SIL1: variants seen among roughly 807,000 people sequenced by gnomAD.
SIL1 encodes the protein SIL1 nucleotide exchange factor.
SIL1 carries 40 observed loss-of-function variants against 49.1 expected under a neutral mutation model. The ratio of observed to expected loss-of-function variants is 0.81; its 90% confidence interval spans 0.63 to 1.06. The LOEUF (loss-of-function observed/expected upper bound fraction) is 1.06. SIL1 is among the 50% of genes least tolerant of loss of function. The pLI is 0.00. For missense variants in SIL1, 500 were observed against 572.6 expected, an observed-to-expected ratio of 0.87 and a Z score of 1.29; for synonymous variants, 253 against 250.8, an observed-to-expected ratio of 1.01 and a Z score of -0.08.
chr5:139,023,110 A>G (rs746901278), intron 6 of SIL1, among the ~76,000 whole-genome samples: 7 of 152,248 alleles, frequency 4.6e-5, no homozygotes, highest in Non-Finnish European at 8.8e-5. Context: ...TCAGCATGAT[A>G]GAAATGCAGA....
At chr5:139,122,946 A>G (rs561163127) in intron 2 of SIL1, among the ~76,000 whole-genome samples, 1 of 152,344 alleles carries the variant, frequency 6.6e-6, no homozygotes, top group East Asian at 1.9e-4. Context: ...GTCTCGGGAA[A>G]GTTATTTAAC....
intron 7 of SIL1, among the ~76,000 whole-genome samples, chr5:139,014,793 C>T (rs1351993332): frequency 2.0e-5 from 3 of 152,200 alleles, no homozygotes; most frequent in African/African-American, 7.2e-5. Context: ...TTATCAGATG[C>T]AAAAGGCTTG....
At chr5:139,190,735 C>G (rs1752152536) in intron 1 of SIL1, among the ~76,000 whole-genome samples, 1 of 152,192 alleles carries the variant, frequency 6.6e-6, no homozygotes, top group South Asian at 2.1e-4. Context: ...AGAAGTGTAT[C>G]TCCTGACTCT....
intron 1 of SIL1, among the ~76,000 whole-genome samples, chr5:139,145,421 T>G (rs1751172261): frequency 6.6e-6 from 1 of 152,226 alleles, no homozygotes; most frequent in Admixed American, 6.5e-5. Flanking sequence ...TTGGTGGTTC[T>G]TCAAAAAGCT....
At chr5:139,004,972 C>A (rs940146004) in intron 7 of SIL1, among the ~76,000 whole-genome samples, 6 of 152,062 alleles carry the variant, frequency 3.9e-5, no homozygotes, top group African/African-American at 1.4e-4. Flanking sequence ...GATGTCGGGC[C>A]AGGTTGCTGG....
intron 1 of SIL1, among the ~76,000 whole-genome samples, chr5:139,163,028 G>T (rs1751545000): frequency 6.6e-6 from 1 of 151,882 alleles, no homozygotes; most frequent in African/African-American, 2.4e-5. Context: ...TGGAGCAAAG[G>T]CCCTCTGTTT....
In SIL1 at chr5:138,948,245, TG is replaced by T; in HGVS notation, c.1030-773del. Among the ~76,000 whole-genome samples, 1 of 152,252 alleles carries T rather than the reference TG, an allele frequency of 6.6e-6. No individual in the cohort carries two copies. The highest frequency in any genetic ancestry group is 1.5e-5 in the Non-Finnish European group (1 of 67,998). ...GGCAGCAGGAAGTCGTGGGGCTGAT[TG>T]GGGCTGGCAGAGGAAACTGAGGAGG... On this transcript the variant is annotated intron_variant, in intron 9 of 9. Coordinates refer to ENST00000394817, the MANE Select transcript of SIL1 (RefSeq NM_022464.5). The surrounding 1 kb of genome is among the most constrained non-coding windows in gnomAD (Gnocchi z 4.8).
At chr5:139,102,372 C>T (rs529126344) in intron 3 of SIL1, among the ~76,000 whole-genome samples, 1 of 151,994 alleles carries the variant, frequency 6.6e-6, no homozygotes, top group South Asian at 2.1e-4. Context: ...GTTAATTTTA[C>T]ATCTGCACAG....
At position 138,948,877 on chromosome 5, in the gene SIL1, T is replaced by C. The variant is rs1766696634; in HGVS notation, c.1030-1404A>G. 6.6e-6 allele frequency among the ~76,000 whole-genome samples: 1 copy of C among 152,166 alleles called. No individual in the cohort carries two copies. Among genetic ancestry groups the C allele is most frequent in the African/African-American group, 2.4e-5 (1 of 41,440 alleles). ...GAGCAAGCCCGGCCCAGCATGCTTT[T>C]TTCCGCAAGTGCTCTTGCCCTCTCA... On this transcript the variant is annotated intron_variant, in intron 9 of 9. Transcript: ENST00000394817. This position sits in a 1 kb window ranked among gnomAD's most constrained non-coding sequence, Gnocchi z 4.8.
At chr5:139,143,338 C>CATATATATATATATAT (rs1251442889) in intron 1 of SIL1, among the ~76,000 whole-genome samples, 32 of 84,206 alleles carry the variant, frequency 3.8e-4, no homozygotes, top group African/African-American at 1.4e-3. Flanking sequence ...CACACACACA[C>CATATATATATATATAT]ACACACATAT....
chr5:139,099,481 T>C (rs1261299871), intron 3 of SIL1, among the ~76,000 whole-genome samples: 1 of 152,190 alleles, frequency 6.6e-6, no homozygotes, highest in African/African-American at 2.4e-5. Context: ...GTACTCCATG[T>C]TTGTAGCAGC....
intron 3 of SIL1, among the ~76,000 whole-genome samples, chr5:139,110,990 T>G (rs1770827035): frequency 6.6e-6 from 1 of 152,220 alleles, no homozygotes; most frequent in Non-Finnish European, 1.5e-5. Context: ...ATGTATGCAC[T>G]GCCCAGGGCT....
chr5:139,074,453 T>C (rs1378844929), intron 3 of SIL1, among the ~76,000 whole-genome samples: 1 of 152,232 alleles, frequency 6.6e-6, no homozygotes, highest in Non-Finnish European at 1.5e-5. Flanking sequence ...AAATATAAAC[T>C]ATATATTCAC....
intron 4 of SIL1, among the ~76,000 whole-genome samples, chr5:139,046,999 C>A (rs1424554071): frequency 1.3e-5 from 2 of 152,148 alleles, no homozygotes; most frequent in Non-Finnish European, 2.9e-5. Flanking sequence ...TTACTGTATC[C>A]CAATGCCTGG....
At chr5:138,969,513 A>G (rs374000890) in intron 7 of SIL1, among the ~76,000 whole-genome samples, 2 of 152,180 alleles carry the variant, frequency 1.3e-5, no homozygotes, top group African/African-American at 2.4e-5. Context: ...TCCTCCTGCA[A>G]TAATACTCCA....
intron 5 of SIL1, among the ~76,000 whole-genome samples, chr5:139,041,827 A>C (rs1003261063): frequency 3.9e-5 from 6 of 152,108 alleles, no homozygotes; most frequent in East Asian, 1.9e-4. Context: ...ACAAAAAAAA[A>C]AAAAAACAAA....
At chr5:138,959,606 TC>T (rs1440319005) in intron 7 of SIL1, among the ~76,000 whole-genome samples, 5 of 152,190 alleles carry the variant, frequency 3.3e-5, no homozygotes, top group African/African-American at 1.2e-4. Flanking sequence ...CAGAGAAAGC[TC>T]CCCTCTCACA....
At chr5:138,960,894 A>T (rs562331748) in intron 7 of SIL1, among the ~76,000 whole-genome samples, 1 of 152,340 alleles carries the variant, frequency 6.6e-6, no homozygotes, top group Non-Finnish European at 1.5e-5. Flanking sequence ...AATCTTATGA[A>T]AAAGAAAATT....
intron 7 of SIL1, among the ~76,000 whole-genome samples, chr5:138,987,079 T>C (rs1767663302): frequency 1.4e-5 from 2 of 147,392 alleles, no homozygotes; most frequent in Admixed American, 7.0e-5. Context: ...TTATTTATGA[T>C]AGATTATTTT....
Sources: allele counts gnomAD v4.1 joint callset (sites outside exome capture counted in the v4.1 genomes callset), GRCh38; gene constraint gnomAD v4.1.1; non-coding constraint Gnocchi (gnomAD v3.1); transcripts MANE v1.5; gene names NCBI Gene and HGNC (gene_info 2026-07-23, HGNC 2026-07-21).